THSD7A: variants seen among roughly 807,000 people sequenced by gnomAD.
THSD7A encodes thrombospondin type 1 domain containing 7A.
Under a neutral mutation model 231.3 loss-of-function variants are expected in THSD7A, and 96 were observed. That is an observed-to-expected ratio of 0.41 (90% confidence interval 0.35 to 0.49). The LOEUF (loss-of-function observed/expected upper bound fraction) is 0.49, where lower values mean the gene tolerates loss of function less well. Ranked by LOEUF, THSD7A falls within the 20% of genes least tolerant of loss-of-function variation. The pLI, the probability that THSD7A is intolerant of heterozygous loss-of-function variation, is 0.05. For missense variants in THSD7A, 2,290 were observed against 2,070.2 expected, an observed-to-expected ratio of 1.11 and a Z score of -2.06; for synonymous variants, 940 against 743.3, an observed-to-expected ratio of 1.26 and a Z score of -4.30.
chr7:11,490,093 T>A (rs929026849), intron 6 of THSD7A, among the ~76,000 whole-genome samples: 2 of 152,046 alleles, frequency 1.3e-5, no homozygotes, highest in African/African-American at 4.8e-5. Context: ...ATGTTCATAT[T>A]TTTCCTTCAT....
Position 11,411,386 on chromosome 7 carries a change from C to G in THSD7A, c.3683-64G>C, listed in dbSNP as rs138513667. ...TAAGAAACAGATTTCAAATGAAACT[C>G]TGATGACCTGAATCCCATATTTAAT... On this transcript the variant is annotated intron_variant, in intron 18 of 27. Coordinates refer to ENST00000423059, the MANE Select transcript of THSD7A (RefSeq NM_015204.3). This position sits in a 1 kb window ranked among gnomAD's most constrained non-coding sequence, Gnocchi z 4.1. 6.5e-6 allele frequency: 7 copies of G among 1,078,644 alleles called. No individual in the cohort carries two copies. Among genetic ancestry groups the G allele is most frequent in the Admixed American group, 4.1e-5 (2 of 48,766 alleles). The allele number at this position is 1,078,644 out of a possible 1,614,324, so 66.8% of individuals were successfully genotyped here.
chr7:11,618,010 TG>T lies in THSD7A; in HGVS notation c.1022+18119del, dbSNP rs1294945690. On this transcript the variant is annotated intron_variant, in intron 2 of 27. Coordinates refer to ENST00000423059, the MANE Select transcript of THSD7A (RefSeq NM_015204.3). ...ACAATAAAAAAAAGAAAATGTCAAG[TG>T]TTACCACCTTTTGTGAAAGCATCTA... Among the ~76,000 whole-genome samples the T allele has an allele frequency of 2.6e-5, 4 of 152,328 alleles. No individual in the cohort carries two copies. In the East Asian group the frequency reaches 7.7e-4, roughly 29 times the overall value.
chr7:11,643,375 G>C (rs2128364535), intron 1 of THSD7A, among the ~76,000 whole-genome samples: 1 of 151,958 alleles, frequency 6.6e-6, no homozygotes, highest in South Asian at 2.1e-4. Context: ...AAAAAGATTA[G>C]AAATTACTGT....
Position 11,429,022 on chromosome 7 carries a change from CT to C in THSD7A, c.3167del (p.Lys1056ArgfsTer54), listed in dbSNP as rs1562602424. 6.2e-7 allele frequency: 1 copy of C among 1,613,208 alleles called. No individual in the cohort carries two copies. The highest frequency in any genetic ancestry group is 2.2e-5 in the East Asian group (1 of 44,842). ...TTTCACGCAGCCATTTAGAACGAACCTTCACACCACTCCCACAGGACTTGCT... is the reference window on the plus strand; with the variant it reads ...TTTCACGCAGCCATTTAGAACGAACCTCACACCACTCCCACAGGACTTGCT... ...RCSKSCGSGV[K>X]VRSKWLREKP... On this transcript the variant is annotated frameshift_variant, in exon 14 of 28. Transcript: ENST00000423059. LOFTEE classifies it high-confidence loss of function.
chr7:11,636,260 C>T lies in THSD7A; in HGVS notation c.892G>A (p.Glu298Lys), dbSNP rs1781839776. 3 of 1,613,976 alleles carry T rather than the reference C, an allele frequency of 1.9e-6. No homozygotes were observed. The highest frequency in any genetic ancestry group is 1.3e-5 in the African/African-American group (1 of 75,048). Residue 298 changes from glutamate (E) to lysine (K), a missense_variant, in exon 2 of 28, where the codon GAG (glutamate) becomes AAG (lysine). Physicochemically the swap from Glu to Lys is moderately conservative, Grantham distance 56 (BLOSUM62 1). Transcript: ENST00000423059. This position sits in a 1 kb window ranked among gnomAD's most constrained non-coding sequence, Gnocchi z 10.0. Reference sequence around the variant, plus strand: ...CTGTTTCTCTTTTTCTTAATAAGCTCGCGGGCTTCTGGATCCTTTACTCCT... The same window carrying T: ...CTGTTTCTCTTTTTCTTAATAAGCTTGCGGGCTTCTGGATCCTTTACTCCT... Reference protein sequence around the residue: ...SKGVKDPEARELIKKKRNRNR... With the variant: ...SKGVKDPEARKLIKKKRNRNR...
At chr7:11,394,279 G>A (rs1783096417) in intron 23 of THSD7A, among the ~76,000 whole-genome samples, 2 of 152,114 alleles carry the variant, frequency 1.3e-5, no homozygotes, top group African/African-American at 4.8e-5. Flanking sequence ...ATAAGCAAAG[G>A]AGAAATAAAA....
chr7:11,651,954 C>A (rs1481379530), intron 1 of THSD7A, among the ~76,000 whole-genome samples: 2 of 151,904 alleles, frequency 1.3e-5, no homozygotes, highest in Admixed American at 1.3e-4. Context: ...TAGAAACCAT[C>A]TTCTCAGAAT....
chr7:11,491,191 T>C (rs775917764), intron 6 of THSD7A, among the ~76,000 whole-genome samples: 7 of 152,118 alleles, frequency 4.6e-5, no homozygotes, highest in Non-Finnish European at 8.8e-5. Context: ...GTTAAAGTGC[T>C]AAGGTTGCGA....
intron 1 of THSD7A, among the ~76,000 whole-genome samples, chr7:11,797,234 T>C (rs1784150060): frequency 6.6e-6 from 1 of 152,180 alleles, no homozygotes; most frequent in South Asian, 2.1e-4. Context: ...ATTTATCTGG[T>C]ATCATATTTC....
In THSD7A at chr7:11,543,032, A is replaced by G; in HGVS notation, c.1539T>C (p.Cys513=). The stretch of plus-strand genomic sequence containing the variant: ...CCCAAGCTGACCAAGGTGAAACTTC[A>G]CATTCAGTTGGACAAGGAATGTGGC... The part of the protein sequence containing the change: ...QLCHIPCPTE[C]EVSPWSAWGP... Residue 513 remains cysteine (C), a synonymous_variant, in exon 5 of 28, where the codon TGT becomes TGC. Transcript: ENST00000423059. 2 of 1,613,914 alleles carry G rather than the reference A, an allele frequency of 1.2e-6. No individual in the cohort carries two copies. The highest frequency in any genetic ancestry group is 1.7e-6 in the Non-Finnish European group (2 of 1,179,834).
At chr7:11,579,389 T>C (rs150080503) in intron 4 of THSD7A, among the ~76,000 whole-genome samples, 115 of 152,228 alleles carry the variant, frequency 7.6e-4, no homozygotes, top group African/African-American at 2.7e-3. Context: ...TGCTACTCAT[T>C]CACCAGTGCA....
chr7:11,542,266 A>C (rs974316), intron 5 of THSD7A, among the ~76,000 whole-genome samples: 99,628 of 152,008 alleles, frequency 0.66, 33,064 homozygotes, highest in Admixed American at 0.79. Flanking sequence ...GCTGCCCTTC[A>C]TGAGAGTGTG....
intron 11 of THSD7A, among the ~76,000 whole-genome samples, chr7:11,453,172 G>A (rs1447645578): frequency 3.3e-5 from 5 of 151,722 alleles, no homozygotes; most frequent in Non-Finnish European, 7.4e-5. Context: ...TTCAGCAAAG[G>A]GTGAAGCAAG....
At chr7:11,429,696 T>A (rs1784421839) in intron 13 of THSD7A, among the ~76,000 whole-genome samples, 1 of 152,238 alleles carries the variant, frequency 6.6e-6, no homozygotes, top group Non-Finnish European at 1.5e-5. Flanking sequence ...CAGAGCATCT[T>A]CACATCTTAT....
intron 1 of THSD7A, among the ~76,000 whole-genome samples, chr7:11,687,005 C>G (rs1780078053): frequency 6.6e-6 from 1 of 151,780 alleles, no homozygotes; most frequent in Non-Finnish European, 1.5e-5. Context: ...CCAAATACCT[C>G]TCAATGAATA....
intron 6 of THSD7A, among the ~76,000 whole-genome samples, chr7:11,496,779 A>C (rs1787119955): frequency 6.6e-6 from 1 of 152,236 alleles, no homozygotes; most frequent in Non-Finnish European, 1.5e-5. Flanking sequence ...TGCAAAACAT[A>C]CAATGAAATG....
In THSD7A at chr7:11,593,479, G is replaced by T. The variant is rs374992397; in HGVS notation, c.1046C>A (p.Pro349Gln). ...DLSFCQQEKL[P>Q]MTFQSCVITK... ...GATCACACAGGACTGGAAGGTCATTGGAAGCTTCTCTTGCTGGCAAAAGCT... is the reference window on the plus strand; with the variant it reads ...GATCACACAGGACTGGAAGGTCATTTGAAGCTTCTCTTGCTGGCAAAAGCT... Residue 349 changes from proline (P) to glutamine (Q), a missense_variant, in exon 3 of 28, where the codon CCA (proline) becomes CAA (glutamine). Pro to Gln is a moderately conservative substitution (Grantham distance 76, BLOSUM62 -1). Transcript: ENST00000423059. 45 of 1,613,862 alleles carry T rather than the reference G, an allele frequency of 2.8e-5. No homozygotes were observed. The African/African-American group carries it at 5.7e-4, about 21-fold the overall frequency.
intron 1 of THSD7A, among the ~76,000 whole-genome samples, chr7:11,643,751 G>A (rs938081815): frequency 5.3e-5 from 8 of 151,672 alleles, no homozygotes; most frequent in African/African-American, 7.3e-5. Flanking sequence ...ATGTTCTATC[G>A]CTGGATGTTT....
chr7:11,677,573 C>A (rs1265689226), intron 1 of THSD7A, among the ~76,000 whole-genome samples: 13 of 42,816 alleles, frequency 3.0e-4, no homozygotes, highest in Non-Finnish European at 5.2e-4. Context: ...ATTGACCAAG[C>A]AAATGGAAAG....
Sources: gnomAD v4.1 joint callset for allele counts (sites outside exome capture counted in the v4.1 genomes callset) on GRCh38, gnomAD v4.1.1 for gene constraint, Gnocchi (gnomAD v3.1) non-coding constraint, MANE v1.5 for transcripts, NCBI Gene and HGNC (gene_info 2026-07-23, HGNC 2026-07-21) for gene names.